Variants in PCDHGB6 observed in about 807,000 individuals in gnomAD.
PCDHGB6 encodes protocadherin gamma subfamily B, 6.
PCDHGB6 carries 51 observed loss-of-function variants against 59.1 expected under a neutral mutation model. The observed-to-expected ratio is 0.86, with a 90% CI of 0.69 to 1.09. The LOEUF (loss-of-function observed/expected upper bound fraction) is 1.09. PCDHGB6 is among the 50% of genes least tolerant of loss of function. PCDHGB6 has a pLI of 0.00. For synonymous variants in PCDHGB6, 466 were observed against 495.1 expected, an observed-to-expected ratio of 0.94 and a Z score of 0.78; for missense variants, 1,148 against 1,205.1, an observed-to-expected ratio of 0.95 and a Z score of 0.70.
chr5:141,421,734 G>A (rs761780459), intron 1 of PCDHGB6: 1 of 1,613,948 alleles, frequency 6.2e-7, no homozygotes, highest in Non-Finnish European at 8.5e-7. Flanking sequence ...ACTCCCTCCA[G>A]AGCTACCAGC....
intron 1 of PCDHGB6, chr5:141,418,890 G>A (rs1449142412): frequency 1.9e-6 from 3 of 1,613,934 alleles, no homozygotes; most frequent in Non-Finnish European, 2.5e-6. Flanking sequence ...AACGACAACA[G>A]CCCAGAAATA....
intron 2 of PCDHGB6, among the ~76,000 whole-genome samples, chr5:141,501,324 CA>C (rs1311475307): frequency 7.2e-5 from 11 of 151,778 alleles, no homozygotes; most frequent in African/African-American, 1.9e-4. Flanking sequence ...CACACACACA[CA>C]CACACACACC....
At chr5:141,459,831 G>A (rs907978430) in intron 1 of PCDHGB6, among the ~76,000 whole-genome samples, 1 of 152,150 alleles carries the variant, frequency 6.6e-6, no homozygotes, top group Admixed American at 6.6e-5. Context: ...CTTTTCATGT[G>A]TTGTCTATTT....
At chr5:141,421,267 C>A in intron 1 of PCDHGB6, 1 of 1,611,374 alleles carries the variant, frequency 6.2e-7, no homozygotes, top group South Asian at 1.1e-5. Flanking sequence ...CAGTCGGCTG[C>A]TGCTGCTGCT....
At chr5:141,420,468 T>G in intron 1 of PCDHGB6, 1 of 799,886 alleles carries the variant, frequency 1.3e-6, no homozygotes, top group East Asian at 3.3e-5. Context: ...CAAAGACATT[T>G]TAAAGCAAAC....
Position 141,491,657 on chromosome 5 carries a change from A to T in PCDHGB6, c.2419-3150A>T. 1.2e-6 allele frequency: 2 copies of T among 1,613,740 alleles called. No homozygotes were observed. Among genetic ancestry groups the T allele is most frequent in the Non-Finnish European group, 1.7e-6 (2 of 1,180,006 alleles). On this transcript the variant is annotated intron_variant, in intron 1 of 3. Transcript: ENST00000520790. The surrounding 1 kb of genome is among the most constrained non-coding windows in gnomAD (Gnocchi z 6.9). ...CCCACAGCTCTGGCGCTGGAGCCTG[A>T]CGCCATCCGGTCCCGCTCTAATACG...
chr5:141,473,308 A>G (rs1248143328), intron 1 of PCDHGB6, among the ~76,000 whole-genome samples: 1 of 152,234 alleles, frequency 6.6e-6, no homozygotes, highest in Non-Finnish European at 1.5e-5. Context: ...AGATTGCTAT[A>G]TTAATAAGCA....
At position 141,431,556 on chromosome 5, in the gene PCDHGB6, C is replaced by G. The variant is rs1561853752; in HGVS notation, c.2418+20936C>G. ...GGCACGCAGCTGCTTGTAGTCAACGCTACCGACCCTGACGAAGGAGTCAAT... is the reference window on the plus strand; with the variant it reads ...GGCACGCAGCTGCTTGTAGTCAACGGTACCGACCCTGACGAAGGAGTCAAT... On this transcript the variant is annotated intron_variant, in intron 1 of 3. Transcript: ENST00000520790. The surrounding 1 kb of genome is among the most constrained non-coding windows in gnomAD (Gnocchi z 4.8). 3 of 1,614,138 alleles carry G rather than the reference C, an allele frequency of 1.9e-6. No individual in the cohort carries two copies. The highest frequency in any genetic ancestry group is 2.5e-6 in the Non-Finnish European group (3 of 1,180,022).
intron 1 of PCDHGB6, chr5:141,413,112 G>A (rs1589839162): frequency 6.7e-7 from 1 of 1,502,662 alleles, no homozygotes; most frequent in East Asian, 2.3e-5. Flanking sequence ...GAAAGACAAA[G>A]GAACCGGTTG....
intron 1 of PCDHGB6, among the ~76,000 whole-genome samples, chr5:141,447,082 T>A (rs1259827606): frequency 6.6e-6 from 1 of 152,156 alleles, no homozygotes; most frequent in Non-Finnish European, 1.5e-5. Flanking sequence ...ATTTTTGTTG[T>A]TTAATTTTCT....
Position 141,486,558 on chromosome 5 carries a change from T to C in PCDHGB6, c.2419-8249T>C, listed in dbSNP as rs544575797. 1 of 1,614,034 alleles carries C rather than the reference T, an allele frequency of 6.2e-7. No homozygotes were observed. Among genetic ancestry groups the C allele is most frequent in the Non-Finnish European group, 8.5e-7 (1 of 1,180,012 alleles). ...TCTTTCTTTCAGAGGTCACATGAGG[T>C]GTTTGTTCCTGAGAACAATCGCCCA... On this transcript the variant is annotated intron_variant, in intron 1 of 3. Coordinates refer to ENST00000520790, the MANE Select transcript of PCDHGB6 (RefSeq NM_018926.3). This position sits in a 1 kb window ranked among gnomAD's most constrained non-coding sequence, Gnocchi z 5.0.
In PCDHGB6 at chr5:141,409,398, A is replaced by G. The variant is rs186373896; in HGVS notation, c.1196A>G (p.Asn399Ser). Residue 399 changes from asparagine to serine, a missense_variant, in exon 1 of 4, where the codon AAT (asparagine) becomes AGT (serine). Asn to Ser is a conservative substitution (Grantham distance 46). Around this residue, in one of 5 missense-constraint regions of PCDHGB6, gnomAD observed 549 missense variants for 527.5 expected, o/e 1.04. Transcript: ENST00000520790. Reference sequence around the variant, plus strand: ...CCATTCAAGATTTATTCTTCTTCCAATAACTACTACAAACTGGTGACAGAT... The same window carrying G: ...CCATTCAAGATTTATTCTTCTTCCAGTAACTACTACAAACTGGTGACAGAT... ...DIPFKIYSSS[N>S]NYYKLVTDGA... 9.6e-5 allele frequency: 155 copies of G among 1,614,050 alleles called. No individual in the cohort carries two copies. In the African/African-American group the frequency reaches 1.5e-3, roughly 16 times the overall value.
intron 1 of PCDHGB6, chr5:141,471,535 T>C (rs553186728): frequency 6.6e-6 from 1 of 152,368 alleles, no homozygotes; most frequent in African/African-American, 2.4e-5. Context: ...GAAGCTATGA[T>C]AGCATTTAAG....
At chr5:141,443,977 AT>A (rs1443967001) in intron 1 of PCDHGB6, among the ~76,000 whole-genome samples, 1 of 152,020 alleles carries the variant, frequency 6.6e-6, no homozygotes, top group African/African-American at 2.4e-5. Context: ...CATCTAAGCT[AT>A]GTTAATTTTA....
rs758715682 is a variant in PCDHGB6, at chr5:141,490,062, C to T, written c.2419-4745C>T. The T allele has an allele frequency of 2.6e-5, 42 of 1,614,100 alleles. No individual in the cohort carries two copies. The highest frequency in any genetic ancestry group is 3.3e-5 in the South Asian group (3 of 91,086). On this transcript the variant is annotated intron_variant, in intron 1 of 3. Coordinates refer to ENST00000520790, the MANE Select transcript of PCDHGB6 (RefSeq NM_018926.3). The surrounding 1 kb of genome is among the most constrained non-coding windows in gnomAD (Gnocchi z 5.4). The stretch of plus-strand genomic sequence containing the variant: ...CCACTGATCCAGACGAGGGCACCAA[C>T]GGCCAACTAGACTATTCTTTTGGAG...
intron 1 of PCDHGB6, 100 bp from the exon 2 acceptor site, chr5:141,494,707 G>A: frequency 2.5e-6 from 4 of 1,599,238 alleles, no homozygotes; most frequent in Non-Finnish European, 3.4e-6. Context: ...TCTTCTCTGT[G>A]CCCACTCCCC....
chr5:141,472,065 G>C lies in PCDHGB6; in HGVS notation c.2419-22742G>C, dbSNP rs115025688. Among the ~76,000 whole-genome samples the C allele has an allele frequency of 1.7e-3, 265 of 152,218 alleles. 1 individual carries two copies. Among genetic ancestry groups the C allele is most frequent in the Middle Eastern group, 3.4e-3 (1 of 294 alleles). On this transcript the variant is annotated intron_variant, in intron 1 of 3. Coordinates refer to ENST00000520790, the MANE Select transcript of PCDHGB6 (RefSeq NM_018926.3). ...GATTTTAAAAATGATTGACATGTCT[G>C]TGGTTATATCAATGAGTACTATTAT...
At chr5:141,441,744 G>A (rs913393900) in intron 1 of PCDHGB6, 7 of 366,408 alleles carry the variant, frequency 1.9e-5, no homozygotes, top group African/African-American at 1.1e-4. Context: ...GCTCGCGCTC[G>A]GCGTCAACGT....
rs1049831420 is a variant in PCDHGB6 at position 141,486,549 on chromosome 5, C to T, written c.2419-8258C>T. ...AATCCACCCTCTTTCTTTCAGAGGTCACATGAGGTGTTTGTTCCTGAGAAC... is the reference window on the plus strand; with the variant it reads ...AATCCACCCTCTTTCTTTCAGAGGTTACATGAGGTGTTTGTTCCTGAGAAC... On this transcript the variant is annotated intron_variant, in intron 1 of 3. Coordinates refer to ENST00000520790, the MANE Select transcript of PCDHGB6 (RefSeq NM_018926.3). This position sits in a 1 kb window ranked among gnomAD's most constrained non-coding sequence, Gnocchi z 5.0. The T allele has an allele frequency of 3.1e-6, 5 of 1,613,982 alleles. No individual in the cohort carries two copies. In the African/African-American group the frequency reaches 4.0e-5, roughly 13 times the overall value.
Sources: gnomAD v4.1 joint callset for allele counts (sites outside exome capture counted in the v4.1 genomes callset) on GRCh38, gnomAD v4.1.1 for gene constraint, gnomAD v4.1.1 regional missense constraint, Gnocchi (gnomAD v3.1) non-coding constraint, MANE v1.5 for transcripts, NCBI Gene and HGNC (gene_info 2026-07-23, HGNC 2026-07-21) for gene names.